The following TTLL11 variants were observed in gnomAD, a reference collection of about 807,000 sequenced individuals.
TTLL11 encodes tubulin tyrosine ligase like 11.
Under a neutral mutation model 51.7 loss-of-function variants are expected in TTLL11, and 42 were observed. That is an observed-to-expected ratio of 0.81 (90% CI 0.64 to 1.05). The LOEUF is 1.05. Ranked by LOEUF, TTLL11 falls within the 50% of genes least tolerant of loss-of-function variation. The pLI is 0.00. For missense variants in TTLL11, 799 were observed against 940.4 expected (o/e 0.85, Z 1.97); for synonymous variants, 381 against 383.5 (o/e 0.99, Z 0.08).
At chr9:121,889,159 A>G (rs999653379) in intron 6 of TTLL11, among the ~76,000 whole-genome samples, 1 of 152,138 alleles carries the variant, frequency 6.6e-6, no homozygotes, top group Non-Finnish European at 1.5e-5. Flanking sequence ...AGGTATCTCT[A>G]CTTTACAGAC....
intron 6 of TTLL11, among the ~76,000 whole-genome samples, chr9:121,875,533 T>C (rs1157388350): frequency 6.6e-6 from 1 of 152,232 alleles, no homozygotes; most frequent in Non-Finnish European, 1.5e-5. Flanking sequence ...ATCATTTTCA[T>C]GGACTCAACC....
intron 3 of TTLL11, among the ~76,000 whole-genome samples, chr9:122,008,467 A>G (rs927240567): frequency 6.6e-6 from 1 of 152,260 alleles, no homozygotes; most frequent in Non-Finnish European, 1.5e-5. Context: ...CCAATGGGAT[A>G]TGAAAAAATG....
intron 1 of TTLL11, among the ~76,000 whole-genome samples, chr9:122,084,274 G>A (rs1480880258): frequency 6.6e-6 from 1 of 152,166 alleles, no homozygotes; most frequent in Non-Finnish European, 1.5e-5. Context: ...AGATGACAGA[G>A]AAGCATATGG....
At position 122,039,307 on chromosome 9, in the gene TTLL11, T is replaced by C. The variant is rs762133427; in HGVS notation, c.524A>G (p.Asn175Ser). The C allele has an allele frequency of 2.5e-6, 4 of 1,614,044 alleles. No homozygotes were observed. Among genetic ancestry groups the C allele is most frequent in the South Asian group, 2.2e-5 (2 of 91,080 alleles). The change falls in exon 2 of 9, where the codon AAT becomes AGT. Residue 175 changes from asparagine (N) to serine (S), a missense_variant. Asn to Ser is a conservative substitution (Grantham distance 46, BLOSUM62 1). Coordinates refer to ENST00000321582, the MANE Select transcript of TTLL11 (RefSeq NM_001139442.2). ...IYWHGVSFHD[N>S]DIFSGQVNKF... ...GTTCACTTGACCGGAGAATATGTCA[T>C]TGTCGTGAAATGAAACTCCATGCCA... is the stretch of plus-strand genomic sequence containing the variant.
In TTLL11 at chr9:121,903,283, C is replaced by T. The variant is rs183340905; in HGVS notation, c.1482-32535G>A. ...GAGAGTCAGGATTGGAGCCCGAGTCCCACTCTTTCCATCCTGCCGTACTGC... is the reference window on the plus strand; with the variant it reads ...GAGAGTCAGGATTGGAGCCCGAGTCTCACTCTTTCCATCCTGCCGTACTGC... On this transcript the variant is annotated intron_variant, in intron 6 of 8. Transcript: ENST00000321582. Among the ~76,000 whole-genome samples the T allele has an allele frequency of 4.4e-3, 663 of 152,152 alleles. 3 individuals carry two copies. The highest frequency in any genetic ancestry group is 0.01 in the Middle Eastern group (3 of 290).
chr9:121,903,201 A>G (rs1317203483), intron 6 of TTLL11, among the ~76,000 whole-genome samples: 1 of 152,194 alleles, frequency 6.6e-6, no homozygotes, highest in Non-Finnish European at 1.5e-5. Flanking sequence ...TCCCTATTTT[A>G]CAGACAGAAA....
At chr9:121,963,018 C>T (rs749755317) in intron 6 of TTLL11, among the ~76,000 whole-genome samples, 5 of 152,162 alleles carry the variant, frequency 3.3e-5, no homozygotes, top group Admixed American at 1.3e-4. Flanking sequence ...TCTTGCAGGG[C>T]GAGAGCTAGA....
At chr9:122,011,588 TGAAA>T (rs1360603235) in intron 3 of TTLL11, among the ~76,000 whole-genome samples, 4 of 152,098 alleles carry the variant, frequency 2.6e-5, no homozygotes, top group African/African-American at 9.7e-5. Context: ...ACACTGGTTA[TGAAA>T]GAAAGTGCTC....
chr9:121,926,142 C>T (rs1352494563), intron 6 of TTLL11, among the ~76,000 whole-genome samples: 2 of 152,152 alleles, frequency 1.3e-5, no homozygotes, highest in South Asian at 2.1e-4. Flanking sequence ...CCTTCACACG[C>T]TTCTGCCAGG....
chr9:121,888,460 C>T (rs1278359151), intron 6 of TTLL11, among the ~76,000 whole-genome samples: 4 of 152,214 alleles, frequency 2.6e-5, no homozygotes, highest in Admixed American at 6.5e-5. Context: ...GCTGTGACAA[C>T]GTCCTTGGCT....
In TTLL11 at chr9:121,892,046, TTAAAAAATA is replaced by T. The variant is rs1839259699; in HGVS notation, c.1482-21307_1482-21299del. On this transcript the variant is annotated intron_variant, in intron 6 of 8. Coordinates refer to ENST00000321582, the MANE Select transcript of TTLL11 (RefSeq NM_001139442.2). ...TATAGGTTTTATATATAAATATATA[TTAAAAAATA>T]TAAAAAATATATAAACTATATATGT... Among the ~76,000 whole-genome samples, 5 of 100,924 alleles carry T rather than the reference TTAAAAAATA, an allele frequency of 5.0e-5. No individual in the cohort carries two copies. In the South Asian group the frequency reaches 1.8e-3, roughly 36 times the overall value. The allele number at this position is 100,924 out of a possible 152,430, so 66.2% of individuals were successfully genotyped here. A position where few individuals can be genotyped will look rare whatever the true frequency, so the allele number is the denominator to read the frequency against.
intron 3 of TTLL11, among the ~76,000 whole-genome samples, chr9:122,031,161 G>A (rs944709562): frequency 6.6e-6 from 1 of 152,202 alleles, no homozygotes; most frequent in Non-Finnish European, 1.5e-5. Context: ...GCAGTTCTGA[G>A]TTCCACTTCA....
At chr9:122,034,005 A>C (rs1424044556) in intron 2 of TTLL11, among the ~76,000 whole-genome samples, 1 of 152,240 alleles carries the variant, frequency 6.6e-6, no homozygotes. Context: ...GCAAAACTTC[A>C]ACTTTTTTGG....
intron 6 of TTLL11, among the ~76,000 whole-genome samples, chr9:121,888,483 A>C (rs1028372229): frequency 1.3e-5 from 2 of 152,220 alleles, no homozygotes; most frequent in Non-Finnish European, 2.9e-5. Context: ...TCTTTGGGCC[A>C]GTTCAGCTCT....
intron 6 of TTLL11, among the ~76,000 whole-genome samples, chr9:121,956,755 C>T (rs34089518): frequency 0.24 from 37,124 of 152,194 alleles, 4,850 homozygotes; most frequent in Middle Eastern, 0.3. Flanking sequence ...GGAAACATGT[C>T]AGAAATGCAA....
In TTLL11 at chr9:121,973,999, A is replaced by G; in HGVS notation, c.1481+10T>C. 6.5e-7 allele frequency: 1 copy of G among 1,547,744 alleles called. No individual in the cohort carries two copies. Among genetic ancestry groups the G allele is most frequent in the Non-Finnish European group, 8.7e-7 (1 of 1,143,642 alleles). Reference sequence around the variant, plus strand: ...GTTGATAGAAATGAATGACATAAAAAAGTACTTACTGATTCTCTCTTTTCT... The same window carrying G: ...GTTGATAGAAATGAATGACATAAAAGAGTACTTACTGATTCTCTCTTTTCT... On this transcript the variant is annotated intron_variant, in intron 6 of 8. Transcript: ENST00000321582.
chr9:121,906,922 T>A (rs986401847), intron 6 of TTLL11, among the ~76,000 whole-genome samples: 1 of 151,864 alleles, frequency 6.6e-6, no homozygotes, highest in East Asian at 1.9e-4. Flanking sequence ...AATATAGAGT[T>A]TTTGGCCGGG....
At chr9:122,029,508 A>G (rs1228920312) in intron 3 of TTLL11, among the ~76,000 whole-genome samples, 2 of 152,226 alleles carry the variant, frequency 1.3e-5, no homozygotes, top group African/African-American at 4.8e-5. Flanking sequence ...AAAATTCTAA[A>G]AGTAAAAATA....
chr9:121,975,116 C>T (rs1842670527), intron 4 of TTLL11, 137 bp from the exon 5 acceptor site: 3 of 582,342 alleles, frequency 5.2e-6, no homozygotes, highest in Non-Finnish European at 8.5e-6. Flanking sequence ...GCCCCTCTTC[C>T]TCTGGGGGTA....
Sources: allele counts gnomAD v4.1 joint callset (sites outside exome capture counted in the v4.1 genomes callset), GRCh38; gene constraint gnomAD v4.1.1; transcripts MANE v1.5; gene names NCBI Gene and HGNC (gene_info 2026-07-23, HGNC 2026-07-21).